SP100: variants seen among roughly 807,000 people sequenced by gnomAD.
SP100 encodes the protein nuclear autoantigen Sp-100.
Under a neutral mutation model 130.0 loss-of-function variants are expected in SP100, and 84 were observed. The ratio of observed to expected loss-of-function variants is 0.65; its 90% CI spans 0.54 to 0.77. The LOEUF is 0.77. SP100 is among the 30% of genes least tolerant of loss of function. The probability of loss-of-function intolerance (pLI) is 0.00; values close to 1 mark genes in which losing one functional copy is unlikely to be tolerated. For synonymous variants in SP100, 331 were observed against 351.7 expected, an observed-to-expected ratio of 0.94 and a Z score of 0.66; for missense variants, 978 against 1,052.2, an observed-to-expected ratio of 0.93 and a Z score of 0.97.
Position 230,544,636 on chromosome 2 carries a change from C to T in SP100, c.*1690C>T, listed in dbSNP as rs1692265093. On this transcript the variant is annotated 3_prime_UTR_variant, in exon 29 of 29. Coordinates refer to ENST00000340126, the MANE Select transcript of SP100 (RefSeq NM_001080391.2). The stretch of plus-strand genomic sequence containing the variant: ...CCAGGTGGCTGGGATTACAGGCATG[C>T]ACCACCTGACTGATTTTGTATTTTA... Among the ~76,000 whole-genome samples the T allele has an allele frequency of 6.6e-6, 1 of 152,104 alleles. No homozygotes were observed. Among genetic ancestry groups the T allele is most frequent in the Non-Finnish European group, 1.5e-5 (1 of 68,020 alleles).
At chr2:230,488,793 C>T (rs929111552) in intron 17 of SP100, among the ~76,000 whole-genome samples, 9 of 152,184 alleles carry the variant, frequency 5.9e-5, no homozygotes, top group Non-Finnish European at 1.3e-4. Context: ...TGGTTTTTGT[C>T]TTTGGTTCTG....
intron 8 of SP100, among the ~76,000 whole-genome samples, chr2:230,459,513 G>T (rs925250042): frequency 4.6e-5 from 7 of 152,122 alleles, no homozygotes; most frequent in Non-Finnish European, 1.0e-4. Context: ...CTGTCCTGTT[G>T]ACTCCCTTCC....
At chr2:230,466,404 T>G (rs756634740) in intron 12 of SP100, 50 bp downstream of exon 12, 1 of 920,704 alleles carries the variant, frequency 1.1e-6, no homozygotes, top group African/African-American at 1.6e-5. Flanking sequence ...CTTCTCTTCA[T>G]GGTTATAAAT....
chr2:230,529,875 A>T (rs985569448), intron 24 of SP100, among the ~76,000 whole-genome samples: 99 of 152,336 alleles, frequency 6.5e-4, no homozygotes, highest in East Asian at 9.6e-4. Flanking sequence ...CTTGCAAGGG[A>T]TGTGAAGGAC....
intron 2 of SP100, among the ~76,000 whole-genome samples, chr2:230,432,113 C>A (rs1169713720): frequency 6.6e-6 from 1 of 152,132 alleles, no homozygotes; most frequent in African/African-American, 2.4e-5. Flanking sequence ...CCTTTCCTGG[C>A]CATTTCATGT....
At chr2:230,537,309 G>A (rs533710425) in intron 24 of SP100, among the ~76,000 whole-genome samples, 1 of 152,076 alleles carries the variant, frequency 6.6e-6, no homozygotes, top group African/African-American at 2.4e-5. Flanking sequence ...AATTGAGAGG[G>A]GATAGAAAAG....
At chr2:230,513,173 G>A (rs1346978253) in intron 24 of SP100, among the ~76,000 whole-genome samples, 2 of 152,216 alleles carry the variant, frequency 1.3e-5, no homozygotes, top group Non-Finnish European at 2.9e-5. Context: ...GAGTTTAGGA[G>A]AAGGGAGAGG....
intron 2 of SP100, among the ~76,000 whole-genome samples, chr2:230,424,272 AG>A (rs2062854584): frequency 6.6e-6 from 1 of 152,216 alleles, no homozygotes. Context: ...CACTCAAGAG[AG>A]GATTGCAAGT....
intron 24 of SP100, chr2:230,515,601 T>C (rs1369580288): frequency 8.1e-6 from 13 of 1,602,146 alleles, no homozygotes; most frequent in African/African-American, 1.3e-5. Flanking sequence ...ATGAAGAGGA[T>C]GAACAAGAGG....
chr2:230,478,247 T>C (rs2065664548), intron 17 of SP100, among the ~76,000 whole-genome samples: 1 of 152,152 alleles, frequency 6.6e-6, no homozygotes, highest in African/African-American at 2.4e-5. Flanking sequence ...ACTTAGTTAA[T>C]ATAAAATTTT....
intron 5 of SP100, among the ~76,000 whole-genome samples, chr2:230,447,932 C>A (rs939926432): frequency 2.0e-4 from 31 of 152,352 alleles, no homozygotes; most frequent in African/African-American, 7.0e-4. Context: ...ACACCCCAAT[C>A]CTTAGGGGCT....
chr2:230,511,927 C>A (rs541620610), intron 24 of SP100, among the ~76,000 whole-genome samples: 1 of 152,170 alleles, frequency 6.6e-6, no homozygotes, highest in Admixed American at 6.5e-5. Context: ...AATGCAGTGA[C>A]ACAATCACAG....
At chr2:230,509,057 C>T (rs1033734107) in intron 23 of SP100, 4 of 152,134 alleles carry the variant, frequency 2.6e-5, no homozygotes, top group African/African-American at 9.7e-5. Flanking sequence ...AAAATCTTTT[C>T]CTTTGTGGAG....
intron 2 of SP100, among the ~76,000 whole-genome samples, chr2:230,419,015 G>A (rs962461638): frequency 2.0e-4 from 30 of 152,122 alleles, no homozygotes; most frequent in Non-Finnish European, 2.6e-4. Flanking sequence ...TTACATTCAC[G>A]AGACTTCCAT....
intron 24 of SP100, among the ~76,000 whole-genome samples, chr2:230,528,450 C>T (rs1691535701): frequency 6.6e-6 from 1 of 152,174 alleles, no homozygotes; most frequent in Non-Finnish European, 1.5e-5. Flanking sequence ...AAATTTATAG[C>T]ACTAAATGCC....
intron 11 of SP100, among the ~76,000 whole-genome samples, chr2:230,465,996 C>T (rs751618239): frequency 1.3e-4 from 19 of 151,898 alleles, no homozygotes; most frequent in Non-Finnish European, 2.5e-4. Context: ...ACCAGTCTGA[C>T]CAACACAGTG....
intron 2 of SP100, among the ~76,000 whole-genome samples, chr2:230,424,303 A>G (rs2062855664): frequency 1.3e-5 from 2 of 152,236 alleles, no homozygotes; most frequent in South Asian, 4.1e-4. Context: ...AGAATGAGCC[A>G]TGCCCAACCT....
At chr2:230,449,465 C>T (rs1022024199) in intron 6 of SP100, 96 bp from the exon 7 acceptor site, 5 of 1,390,870 alleles carry the variant, frequency 3.6e-6, no homozygotes, top group Non-Finnish European at 5.1e-6. Flanking sequence ...GGTGCCTTGA[C>T]CTTACGTCCA....
At chr2:230,438,745 A>G (rs1042620201) in intron 2 of SP100, among the ~76,000 whole-genome samples, 4 of 151,706 alleles carry the variant, frequency 2.6e-5, no homozygotes, top group Non-Finnish European at 5.9e-5. Context: ...TATATATCAC[A>G]TTTCTTTATC....
Sources: allele counts gnomAD v4.1 joint callset (sites outside exome capture counted in the v4.1 genomes callset), GRCh38; gene constraint gnomAD v4.1.1; transcripts MANE v1.5; gene names NCBI Gene and HGNC (gene_info 2026-07-23, HGNC 2026-07-21).